SLC4A10: variants seen among roughly 807,000 people sequenced by gnomAD.
SLC4A10 encodes the protein solute carrier family 4 member 10.
A neutral mutation model predicts 137.7 loss-of-function variants in SLC4A10; 42 were observed. The observed-to-expected ratio is 0.30, with a 90% confidence interval of 0.24 to 0.39. The LOEUF is 0.39. Ranked by LOEUF, SLC4A10 falls within the 10% of genes least tolerant of loss-of-function variation. SLC4A10 has a pLI of 1.00. For synonymous variants in SLC4A10, 474 were observed against 464.1 expected, an observed-to-expected ratio of 1.02 and a Z score of -0.27; for missense variants, 925 against 1,355.0, an observed-to-expected ratio of 0.68 and a Z score of 4.98.
intron 4 of SLC4A10, among the ~76,000 whole-genome samples, chr2:161,850,034 T>C (rs1045036261): frequency 7.9e-5 from 12 of 152,112 alleles, no homozygotes; most frequent in African/African-American, 2.9e-4. Context: ...TTCTGGTTGA[T>C]AGGTTTTTTT....
intron 3 of SLC4A10, among the ~76,000 whole-genome samples, chr2:161,836,942 T>C (rs1357259129): frequency 6.6e-6 from 1 of 152,206 alleles, no homozygotes; most frequent in Non-Finnish European, 1.5e-5. Flanking sequence ...CAGGATTCTA[T>C]ATCCACTGAC....
At position 161,905,855 on chromosome 2, in the gene SLC4A10, G is replaced by A. The variant is rs1684225793; in HGVS notation, c.1965G>A (p.Met655Ile). 1.2e-6 allele frequency: 2 copies of A among 1,613,338 alleles called. No homozygotes were observed. The highest frequency in any genetic ancestry group is 4.5e-5 in the East Asian group (2 of 44,856). The change falls in exon 15 of 27, where the codon ATG becomes ATA. Residue 655 changes from methionine to isoleucine, a missense_variant. Physicochemically the swap from Met to Ile is conservative, Grantham distance 10. Coordinates refer to ENST00000446997, the MANE Select transcript of SLC4A10 (RefSeq NM_001178015.2). Reference protein sequence around the residue: ...FELSEAYPINMHNDLELLTQY... With the variant: ...FELSEAYPINIHNDLELLTQY... ...TCAGTGAAGCATATCCAATCAACAT[G>A]CATAATGATCTGGAACTGCTGACAC...
intron 26 of SLC4A10, among the ~76,000 whole-genome samples, chr2:161,979,855 A>G (rs2106011374): frequency 1.3e-5 from 2 of 152,344 alleles, no homozygotes; most frequent in South Asian, 4.1e-4. Flanking sequence ...AGAGAAGCCT[A>G]GAAACCCTTT....
chr2:161,658,053 A>C (rs1008333200), intron 1 of SLC4A10, among the ~76,000 whole-genome samples: 2 of 152,096 alleles, frequency 1.3e-5, no homozygotes, highest in Admixed American at 6.5e-5. Context: ...ACAATTTATC[A>C]CTTATTTTTT....
intron 3 of SLC4A10, among the ~76,000 whole-genome samples, chr2:161,806,331 G>T (rs1243695372): frequency 6.6e-6 from 1 of 152,102 alleles, no homozygotes; most frequent in African/African-American, 2.4e-5. Flanking sequence ...TTGTCTTGGG[G>T]ATTAACATTT....
chr2:161,675,934 A>C (rs556874049), intron 1 of SLC4A10, among the ~76,000 whole-genome samples: 2 of 152,322 alleles, frequency 1.3e-5, no homozygotes, highest in Non-Finnish European at 2.9e-5. Flanking sequence ...GCCCTGAATG[A>C]AATCATGTAC....
At chr2:161,663,562 T>C (rs2038700983) in intron 1 of SLC4A10, among the ~76,000 whole-genome samples, 1 of 152,120 alleles carries the variant, frequency 6.6e-6, no homozygotes, top group Non-Finnish European at 1.5e-5. Context: ...CTAAACATGT[T>C]ACTTATTAAT....
At chr2:161,794,868 C>T (rs1260266311) in intron 2 of SLC4A10, among the ~76,000 whole-genome samples, 1 of 151,932 alleles carries the variant, frequency 6.6e-6, no homozygotes, top group African/African-American at 2.4e-5. Flanking sequence ...GTGTAACTGG[C>T]ACTGGTGAGC....
intron 6 of SLC4A10, among the ~76,000 whole-genome samples, chr2:161,868,087 C>A (rs1005453229): frequency 2.0e-5 from 3 of 151,736 alleles, no homozygotes. Context: ...TCTATTGATA[C>A]GAATTTGGCC....
chr2:161,898,564 A>T (rs1054810697), intron 11 of SLC4A10, among the ~76,000 whole-genome samples: 2 of 152,096 alleles, frequency 1.3e-5, no homozygotes, highest in Admixed American at 6.6e-5. Context: ...TTCATTTGAA[A>T]TGTGCAAATC....
chr2:161,793,079 C>G (rs2054377746), intron 2 of SLC4A10, among the ~76,000 whole-genome samples: 1 of 152,036 alleles, frequency 6.6e-6, no homozygotes, highest in Non-Finnish European at 1.5e-5. Context: ...TCTGAGATTA[C>G]TATTTTGAAT....
chr2:161,783,713 A>G (rs567133525), intron 2 of SLC4A10, among the ~76,000 whole-genome samples: 85 of 151,948 alleles, frequency 5.6e-4, no homozygotes, highest in Admixed American at 5.4e-3. Context: ...ATAGACTGTC[A>G]TTACTATAAG....
At chr2:161,887,162 G>A (rs979703221) in intron 10 of SLC4A10, among the ~76,000 whole-genome samples, 1 of 152,146 alleles carries the variant, frequency 6.6e-6, no homozygotes, top group Non-Finnish European at 1.5e-5. Flanking sequence ...TGGTGTATAT[G>A]TGCCACATTT....
At chr2:161,753,658 G>A (rs2049242415) in intron 1 of SLC4A10, among the ~76,000 whole-genome samples, 1 of 151,994 alleles carries the variant, frequency 6.6e-6, no homozygotes, top group Non-Finnish European at 1.5e-5. Context: ...TAATCTTAAC[G>A]TTTGATGAAA....
intron 1 of SLC4A10, among the ~76,000 whole-genome samples, chr2:161,660,606 TTC>T (rs1203247441): frequency 6.7e-6 from 1 of 149,400 alleles, no homozygotes; most frequent in Non-Finnish European, 1.5e-5. Flanking sequence ...CTTTCTTTCT[TTC>T]TTTCTTTCTT....
At chr2:161,679,438 A>T (rs1480912573) in intron 1 of SLC4A10, among the ~76,000 whole-genome samples, 1 of 152,128 alleles carries the variant, frequency 6.6e-6, no homozygotes, top group Non-Finnish European at 1.5e-5. Context: ...GCCCTCAATG[A>T]TTGTACAGTC....
chr2:161,689,286 C>T (rs889248027), intron 1 of SLC4A10, among the ~76,000 whole-genome samples: 6 of 152,282 alleles, frequency 3.9e-5, no homozygotes, highest in African/African-American at 9.6e-5. Flanking sequence ...ACTCACCACT[C>T]GCTGACTCAC....
chr2:161,836,290 G>A (rs1245090610), intron 3 of SLC4A10, among the ~76,000 whole-genome samples: 1 of 152,160 alleles, frequency 6.6e-6, no homozygotes, highest in Non-Finnish European at 1.5e-5. Flanking sequence ...TTGAGGTCAG[G>A]AGTTTGAGAC....
At chr2:161,905,523 T>G in intron 14 of SLC4A10, 119 bp from the exon 15 acceptor site, 1 of 1,365,068 alleles carries the variant, frequency 7.3e-7, no homozygotes, top group South Asian at 1.4e-5. Context: ...TAGATACTCA[T>G]GGGATGTGAA....
Sources: allele counts gnomAD v4.1 joint callset (sites outside exome capture counted in the v4.1 genomes callset), GRCh38; gene constraint gnomAD v4.1.1; transcripts MANE v1.5; gene names NCBI Gene and HGNC (gene_info 2026-07-23, HGNC 2026-07-21).